The following COL22A1 variants were observed in gnomAD, a reference collection of about 807,000 sequenced individuals.
The protein encoded by COL22A1 is collagen alpha-1(XXII) chain.
In COL22A1, 221 loss-of-function variants were observed where a neutral mutation model predicts 248.9. That is an observed-to-expected ratio of 0.89 (90% CI 0.80 to 0.99). The LOEUF (loss-of-function observed/expected upper bound fraction) is 0.99. COL22A1 is among the 50% of genes least tolerant of loss of function. The probability of loss-of-function intolerance (pLI) is 0.00; values close to 1 mark genes in which losing one functional copy is unlikely to be tolerated. For missense variants in COL22A1, 2,240 were observed against 2,179.0 expected, an observed-to-expected ratio of 1.03 and a Z score of -0.56; for synonymous variants, 891 against 793.4, an observed-to-expected ratio of 1.12 and a Z score of -2.07.
At chr8:138,706,026 A>C (rs1828404257) in intron 30 of COL22A1, among the ~76,000 whole-genome samples, 1 of 152,242 alleles carries the variant, frequency 6.6e-6, no homozygotes, top group Non-Finnish European at 1.5e-5. Context: ...AACAAAGATC[A>C]AAACAGACAA....
chr8:138,609,672 C>G (rs371874505), intron 56 of COL22A1, among the ~76,000 whole-genome samples: 1 of 152,226 alleles, frequency 6.6e-6, no homozygotes, highest in South Asian at 2.1e-4. Context: ...TATGGAAATT[C>G]TAGCCCTCCT....
At chr8:138,859,198 T>C (rs1488820791) in intron 3 of COL22A1, among the ~76,000 whole-genome samples, 2 of 152,218 alleles carry the variant, frequency 1.3e-5, no homozygotes, top group Non-Finnish European at 2.9e-5. Context: ...AGCCTGGGCA[T>C]GTGGTCTGTG....
At chr8:138,616,243 G>A (rs1486625469) in intron 54 of COL22A1, among the ~76,000 whole-genome samples, 189 bp from the exon 55 acceptor site, 2 of 152,178 alleles carry the variant, frequency 1.3e-5, no homozygotes, top group Non-Finnish European at 2.9e-5. Flanking sequence ...CGCACCCAAG[G>A]CCAGCTGTGA....
intron 3 of COL22A1, among the ~76,000 whole-genome samples, chr8:138,876,267 C>A (rs1320238847): frequency 6.6e-6 from 1 of 152,138 alleles, no homozygotes; most frequent in Non-Finnish European, 1.5e-5. Flanking sequence ...GCAGTTCATG[C>A]CCATCCTCTA....
chr8:138,819,019 C>G (rs905473465), intron 7 of COL22A1, among the ~76,000 whole-genome samples: 2 of 152,152 alleles, frequency 1.3e-5, no homozygotes, highest in Non-Finnish European at 2.9e-5. Context: ...GTCTGTCCTC[C>G]CACCTCTGCA....
At position 138,811,824 on chromosome 8, in the gene COL22A1, T is replaced by C. The variant is rs752357481; in HGVS notation, c.1424A>G (p.Asn475Ser). 1 of 1,611,964 alleles carries C rather than the reference T, an allele frequency of 6.2e-7. No homozygotes were observed. Among genetic ancestry groups the C allele is most frequent in the Non-Finnish European group, 8.5e-7 (1 of 1,179,708 alleles). Residue 475 changes from asparagine (N) to serine (S), a missense_variant, in exon 9 of 65, where the codon AAC becomes AGC. Physicochemically the swap from Asn to Ser is conservative, Grantham distance 46. Transcript: ENST00000303045. ...CTTCTCTCCAGCTGGGCAGGAGCAG[T>C]TGATGGTCTTCAAAAACCCAATCTG... is the stretch of plus-strand genomic sequence containing the variant. Reference protein sequence around the residue: ...SEQIGFLKTINCSCPAGEKGE... With the variant: ...SEQIGFLKTISCSCPAGEKGE...
chr8:138,649,580 CAG>C (rs1236613953), intron 46 of COL22A1, 83 bp downstream of exon 46: 2 of 1,540,632 alleles, frequency 1.3e-6, no homozygotes, highest in Non-Finnish European at 8.8e-7. Flanking sequence ...TGAACACCTT[CAG>C]AGGCAGATGG....
At chr8:138,715,815 G>C (rs1563657636) in intron 29 of COL22A1, 80 bp from the exon 30 acceptor site, 4 of 1,032,982 alleles carry the variant, frequency 3.9e-6, no homozygotes, top group East Asian at 4.8e-5. Context: ...AGAGCAACAT[G>C]ACTTTGGAAA....
intron 45 of COL22A1, among the ~76,000 whole-genome samples, chr8:138,653,821 A>C (rs1177733417): frequency 6.6e-6 from 1 of 152,208 alleles, no homozygotes; most frequent in Admixed American, 6.5e-5. Context: ...TCGAGATGAC[A>C]GCCAGTGACT....
At chr8:138,876,415 GC>G (rs1419803660) in intron 3 of COL22A1, among the ~76,000 whole-genome samples, 3 of 152,152 alleles carry the variant, frequency 2.0e-5, no homozygotes, top group Admixed American at 6.5e-5. Flanking sequence ...CTTTTATGTG[GC>G]TTTCCTGCCT....
At chr8:138,751,643 C>T (rs1036722324) in intron 21 of COL22A1, 132 bp from the exon 22 acceptor site, 6 of 530,328 alleles carry the variant, frequency 1.1e-5, no homozygotes, top group South Asian at 6.4e-5. Context: ...TGGGGAAATT[C>T]GGAGGTCCCA....
intron 3 of COL22A1, among the ~76,000 whole-genome samples, chr8:138,868,041 G>A (rs1057004396): frequency 1.3e-5 from 2 of 152,198 alleles, no homozygotes; most frequent in Non-Finnish European, 2.9e-5. Flanking sequence ...GGGATTACAG[G>A]CATGAGCCAC....
At chr8:138,705,199 A>T (rs186032460) in intron 30 of COL22A1, among the ~76,000 whole-genome samples, 1 of 152,334 alleles carries the variant, frequency 6.6e-6, no homozygotes, top group African/African-American at 2.4e-5. Context: ...CCAAGTTGGA[A>T]AACACTCTTC....
intron 32 of COL22A1, among the ~76,000 whole-genome samples, chr8:138,695,127 C>A (rs1206190679): frequency 6.6e-6 from 1 of 152,200 alleles, no homozygotes; most frequent in Admixed American, 6.5e-5. Context: ...ATGGGCCCAA[C>A]CCTCCTGTTA....
intron 52 of COL22A1, 87 bp from the exon 53 acceptor site, chr8:138,619,595 T>C (rs1181367622): frequency 2.3e-6 from 3 of 1,288,862 alleles, no homozygotes; most frequent in East Asian, 4.6e-5. Context: ...TACCAATCTA[T>C]TCCCACAAGC....
At chr8:138,680,123 G>A (rs1825847066) in intron 39 of COL22A1, among the ~76,000 whole-genome samples, 1 of 152,202 alleles carries the variant, frequency 6.6e-6, no homozygotes, top group Admixed American at 6.5e-5. Context: ...ATATCTTAAT[G>A]TTCTGACAGG....
At chr8:138,866,005 ATGTT>A (rs758749084) in intron 3 of COL22A1, among the ~76,000 whole-genome samples, 11 of 151,706 alleles carry the variant, frequency 7.3e-5, no homozygotes, top group South Asian at 2.1e-4. Context: ...GTGTCTATGT[ATGTT>A]TGTATGACTC....
intron 5 of COL22A1, among the ~76,000 whole-genome samples, chr8:138,829,524 C>A (rs575692900): frequency 1.3e-5 from 2 of 150,328 alleles, no homozygotes; most frequent in South Asian, 4.3e-4. Flanking sequence ...CTGCCTCAGC[C>A]TCCCAGGTAG....
chr8:138,661,693 T>C (rs1823975016), intron 43 of COL22A1, among the ~76,000 whole-genome samples: 1 of 152,098 alleles, frequency 6.6e-6, no homozygotes, highest in African/African-American at 2.4e-5. Context: ...CAGGGGCAAG[T>C]CCCTGGAGAA....
Sources: gnomAD v4.1 joint callset for allele counts (sites outside exome capture counted in the v4.1 genomes callset) on GRCh38, gnomAD v4.1.1 for gene constraint, MANE v1.5 for transcripts, NCBI Gene and HGNC (gene_info 2026-07-23, HGNC 2026-07-21) for gene names.